Variants in C1QTNF3 observed in about 807,000 individuals in gnomAD.
C1QTNF3 encodes the protein C1q and TNF related 3.
C1QTNF3 carries 26 observed loss-of-function variants against 32.6 expected under a neutral mutation model. The ratio of observed to expected loss-of-function variants is 0.80; its 90% CI spans 0.58 to 1.11. The LOEUF (loss-of-function observed/expected upper bound fraction) is 1.11, where lower values mean the gene tolerates loss of function less well. C1QTNF3 is among the 50% of genes least tolerant of loss of function. C1QTNF3 has a pLI of 0.00. For missense variants in C1QTNF3, 362 were observed against 398.2 expected, an observed-to-expected ratio of 0.91 and a Z score of 0.77; for synonymous variants, 155 against 146.0, an observed-to-expected ratio of 1.06 and a Z score of -0.44.
chr5:34,241,994 A>AAGGAAGGAAGGG, the C1QTNF3 span, among the ~76,000 whole-genome samples: 1 of 150,816 alleles, frequency 6.6e-6, no homozygotes, highest in Non-Finnish European at 1.5e-5. Context: ...GGAAGGAAGG[A>AAGGAAGGAAGGG]AGGAAGGAAG....
chr5:34,154,218 T>G, the C1QTNF3 span, among the ~76,000 whole-genome samples: 5 of 152,242 alleles, frequency 3.3e-5, no homozygotes, highest in Non-Finnish European at 7.3e-5. Context: ...GAACATATTT[T>G]GGAAATGGAA....
the C1QTNF3 span, among the ~76,000 whole-genome samples, chr5:34,108,482 T>C: frequency 1.3e-5 from 2 of 152,074 alleles, no homozygotes; most frequent in African/African-American, 2.4e-5. Context: ...TTCAGAAAAT[T>C]GGTAAAAGGA....
chr5:34,177,675 G>A, the C1QTNF3 span, among the ~76,000 whole-genome samples: 1 of 151,384 alleles, frequency 6.6e-6, no homozygotes, highest in Non-Finnish European at 1.5e-5. Context: ...TCTTAGTAGA[G>A]ACGGGGTTTC....
At chr5:34,075,516 A>T in the C1QTNF3 span, among the ~76,000 whole-genome samples, 3 of 151,620 alleles carry the variant, frequency 2.0e-5, no homozygotes, top group African/African-American at 7.3e-5. Flanking sequence ...GTGAATTATG[A>T]GTCTTCAATT....
chr5:34,215,738 C>T, the C1QTNF3 span, among the ~76,000 whole-genome samples: 4 of 152,158 alleles, frequency 2.6e-5, no homozygotes, highest in African/African-American at 9.6e-5. Context: ...GCTCAAGTGA[C>T]CCTCCCACTT....
At chr5:34,204,541 T>C in the C1QTNF3 span, among the ~76,000 whole-genome samples, 1 of 152,194 alleles carries the variant, frequency 6.6e-6, no homozygotes, top group South Asian at 2.1e-4. Context: ...CTAAATAATG[T>C]ATATACATGG....
the C1QTNF3 span, among the ~76,000 whole-genome samples, chr5:34,173,056 C>T: frequency 3.3e-5 from 5 of 152,176 alleles, no homozygotes; most frequent in East Asian, 9.6e-4. Flanking sequence ...TATACTTTTG[C>T]ACTATGAAAA....
At chr5:34,027,881 T>G (rs1754508511) in intron 4 of C1QTNF3, among the ~76,000 whole-genome samples, 1 of 152,146 alleles carries the variant, frequency 6.6e-6, no homozygotes, top group Non-Finnish European at 1.5e-5. Context: ...ATTGTTAGTT[T>G]TTTTTTTTAA....
the C1QTNF3 span, among the ~76,000 whole-genome samples, chr5:34,127,357 G>C: frequency 6.6e-6 from 1 of 152,024 alleles, no homozygotes; most frequent in Non-Finnish European, 1.5e-5. Context: ...TAGTGATATG[G>C]ACAATAAAGT....
the C1QTNF3 span, among the ~76,000 whole-genome samples, chr5:34,069,963 T>C: frequency 6.6e-6 from 1 of 152,212 alleles, no homozygotes; most frequent in African/African-American, 2.4e-5. Context: ...ATAATTTCTC[T>C]ATCTTTAAAT....
the C1QTNF3 span, chr5:34,166,858 A>T: frequency 6.6e-6 from 1 of 152,096 alleles, no homozygotes; most frequent in East Asian, 1.9e-4. Context: ...ACATACCTAG[A>T]TCATATAAAT....
chr5:34,124,567 C>T, the C1QTNF3 span: 1 of 641,532 alleles, frequency 1.6e-6, no homozygotes. Flanking sequence ...CACTCACTAT[C>T]ACAAGAACAG....
chr5:34,170,606 C>T, the C1QTNF3 span, among the ~76,000 whole-genome samples: 1 of 152,042 alleles, frequency 6.6e-6, no homozygotes, highest in Admixed American at 6.6e-5. Flanking sequence ...ATAAATTACC[C>T]TTCAAATAGC....
the C1QTNF3 span, among the ~76,000 whole-genome samples, chr5:34,100,099 G>C: frequency 6.6e-6 from 1 of 151,724 alleles, no homozygotes; most frequent in Non-Finnish European, 1.5e-5. Context: ...CCACCGACAG[G>C]TTCAGTGTCT....
At chr5:34,233,838 T>C in the C1QTNF3 span, among the ~76,000 whole-genome samples, 1 of 152,102 alleles carries the variant, frequency 6.6e-6, no homozygotes, top group East Asian at 1.9e-4. Flanking sequence ...TGAATGAACA[T>C]TAAAGAAATC....
At chr5:34,129,116 C>T in the C1QTNF3 span, among the ~76,000 whole-genome samples, 5 of 152,136 alleles carry the variant, frequency 3.3e-5, no homozygotes, top group East Asian at 9.7e-4. Flanking sequence ...GCACTTCCCC[C>T]TTCACACTCT....
At chr5:34,059,919 G>C in the C1QTNF3 span, among the ~76,000 whole-genome samples, 1 of 152,178 alleles carries the variant, frequency 6.6e-6, no homozygotes, top group Non-Finnish European at 1.5e-5. Flanking sequence ...AACCACCACT[G>C]CTCTGGGCTC....
chr5:34,223,872 C>G, the C1QTNF3 span, among the ~76,000 whole-genome samples: 2 of 152,116 alleles, frequency 1.3e-5, no homozygotes, highest in African/African-American at 4.8e-5. Flanking sequence ...TCCCTGTTTG[C>G]AGATGACATG....
the C1QTNF3 span, among the ~76,000 whole-genome samples, chr5:34,231,538 C>T: frequency 1.3e-5 from 2 of 152,154 alleles, no homozygotes; most frequent in Non-Finnish European, 2.9e-5. Context: ...CACATATGCT[C>T]ATTCATGGAG....
Sources: allele counts gnomAD v4.1 joint callset (sites outside exome capture counted in the v4.1 genomes callset), GRCh38; gene constraint gnomAD v4.1.1; transcripts MANE v1.5; gene names NCBI Gene and HGNC (gene_info 2026-07-23, HGNC 2026-07-21).